The following ARHGAP21 variants were observed in gnomAD, a reference collection of about 807,000 sequenced individuals.
ARHGAP21 encodes the protein rho GTPase-activating protein 21.
A neutral mutation model predicts 164.6 loss-of-function variants in ARHGAP21; 38 were observed. The ratio of observed to expected loss-of-function variants is 0.23; its 90% CI spans 0.18 to 0.30. ARHGAP21 has a LOEUF of 0.30. Ranked by LOEUF, ARHGAP21 falls within the 10% of genes least tolerant of loss-of-function variation. The pLI is 1.00. For synonymous variants in ARHGAP21, 766 were observed against 857.9 expected (o/e 0.89, Z 1.87); for missense variants, 1,822 against 2,370.7 (o/e 0.77, Z 4.81).
At chr10:24,618,771 CGGGA>C (rs1198386128) in intron 9 of ARHGAP21, among the ~76,000 whole-genome samples, 1 of 151,978 alleles carries the variant, frequency 6.6e-6, no homozygotes, top group Non-Finnish European at 1.5e-5. Context: ...TTTCAGATCA[CGGGA>C]GGATTTTGCA....
chr10:24,695,830 A>G (rs1843127493), intron 2 of ARHGAP21, among the ~76,000 whole-genome samples: 1 of 152,076 alleles, frequency 6.6e-6, no homozygotes, highest in Non-Finnish European at 1.5e-5. Context: ...AAATCCCACC[A>G]GCAACCCATG....
chr10:24,708,122 C>G (rs1006281367), intron 2 of ARHGAP21, among the ~76,000 whole-genome samples: 1 of 152,134 alleles, frequency 6.6e-6, no homozygotes, highest in Non-Finnish European at 1.5e-5. Flanking sequence ...TTGCCAAAGG[C>G]TAAATATAAA....
chr10:24,664,734 T>G (rs1378575318), intron 4 of ARHGAP21, among the ~76,000 whole-genome samples: 2 of 148,850 alleles, frequency 1.3e-5, no homozygotes, highest in Non-Finnish European at 3.0e-5. Context: ...TTGAGTGAAA[T>G]TAAGCATAAA....
At chr10:24,588,734 C>T (rs2076209643) in intron 25 of ARHGAP21, among the ~76,000 whole-genome samples, 1 of 152,112 alleles carries the variant, frequency 6.6e-6, no homozygotes, top group Admixed American at 6.5e-5. Context: ...TGAGGGAACA[C>T]AGATTGTGTA....
intron 9 of ARHGAP21, among the ~76,000 whole-genome samples, chr10:24,615,098 G>T (rs2077421798): frequency 6.6e-6 from 1 of 152,120 alleles, no homozygotes; most frequent in Admixed American, 6.5e-5. Flanking sequence ...GCTGAGGCAG[G>T]AGAATCACTT....
rs767153299 is a variant in ARHGAP21 at position 24,600,735 on chromosome 10, C to T, written c.3043G>A (p.Asp1015Asn). The change falls in exon 14 of 26, where the codon GAC (aspartate) becomes AAC (asparagine). Residue 1015 changes from aspartate to asparagine, a missense_variant. Physicochemically the swap from Asp to Asn is conservative, Grantham distance 23 (BLOSUM62 1). Coordinates refer to ENST00000396432, the MANE Select transcript of ARHGAP21 (RefSeq NM_020824.4). The part of the protein sequence containing the change: ...RKNVFRLTTS[D>N]CECLFQAEDR... ...TCAGCCTGAAACAGGCATTCACAGTCGGACGTGGTGAGTCGAAACACATTT... is the reference window on the plus strand; with the variant it reads ...TCAGCCTGAAACAGGCATTCACAGTTGGACGTGGTGAGTCGAAACACATTT... The T allele has an allele frequency of 1.4e-5, 23 of 1,613,834 alleles. No individual in the cohort carries two copies. Among genetic ancestry groups the T allele is most frequent in the Middle Eastern group, 1.6e-4 (1 of 6,080 alleles).
chr10:24,718,963 T>A (rs1194212709), intron 2 of ARHGAP21, among the ~76,000 whole-genome samples: 2 of 152,010 alleles, frequency 1.3e-5, no homozygotes, highest in African/African-American at 2.4e-5. Flanking sequence ...AAAAAAAAAG[T>A]TAAACCTTGA....
intron 2 of ARHGAP21, among the ~76,000 whole-genome samples, chr10:24,708,092 A>C (rs1844409950): frequency 6.6e-6 from 1 of 152,246 alleles, no homozygotes. Flanking sequence ...GCTAGGTTAA[A>C]CAATGCTGCT....
intron 2 of ARHGAP21, among the ~76,000 whole-genome samples, chr10:24,719,463 TTAG>T (rs1845715471): frequency 6.6e-6 from 1 of 152,216 alleles, no homozygotes; most frequent in Non-Finnish European, 1.5e-5. Context: ...AGTTGGCTAA[TTAG>T]ATAAAGCATG....
chr10:24,673,860 C>T (rs987366449), intron 2 of ARHGAP21, among the ~76,000 whole-genome samples: 3 of 151,884 alleles, frequency 2.0e-5, no homozygotes, highest in African/African-American at 7.3e-5. Context: ...GACTCTGTCT[C>T]AAAAAAGTCA....
intron 2 of ARHGAP21, among the ~76,000 whole-genome samples, chr10:24,678,948 C>T (rs1327259293): frequency 5.9e-5 from 9 of 152,146 alleles, no homozygotes; most frequent in African/African-American, 1.9e-4. Context: ...TAGTTCATTC[C>T]TTTTCATTGC....
Position 24,585,327 on chromosome 10 carries a change from G to A in ARHGAP21, c.4962C>T (p.Phe1654=). The change falls in exon 26 of 26, where the codon TTC becomes TTT. Residue 1654 remains phenylalanine, a synonymous_variant. Coordinates refer to ENST00000396432, the MANE Select transcript of ARHGAP21 (RefSeq NM_020824.4). ...FPTALTSERL[F]RGKLQEVTKS... ...TAGTCACTTCTTGCAGTTTTCCTCG[G>A]AAAAGCCTCTCTGAAGTCAAGGCTG... is the stretch of plus-strand genomic sequence containing the variant. 6.2e-7 allele frequency: 1 copy of A among 1,612,754 alleles called. No individual in the cohort carries two copies. The highest frequency in any genetic ancestry group is 8.5e-7 in the Non-Finnish European group (1 of 1,180,006).
chr10:24,645,871 A>C (rs1837522883), intron 4 of ARHGAP21, among the ~76,000 whole-genome samples: 1 of 152,184 alleles, frequency 6.6e-6, no homozygotes, highest in South Asian at 2.1e-4. Context: ...GGAGAACAAT[A>C]AGCAGAGTGA....
At chr10:24,723,022 A>T (rs907924636) in intron 1 of ARHGAP21, 1 of 150,794 alleles carries the variant, frequency 6.6e-6, no homozygotes, top group Non-Finnish European at 1.5e-5. Context: ...GCAAACCACC[A>T]CCCACCTCCC....
At chr10:24,628,952 CTATATA>C (rs71397962) in intron 7 of ARHGAP21, 68 of 13,760 alleles carry the variant, frequency 4.9e-3, no homozygotes, top group East Asian at 0.036. Flanking sequence ...CACACACACA[CTATATA>C]TATATATATA....
In ARHGAP21 at chr10:24,701,610, T is replaced by A. The variant is rs538711386; in HGVS notation, c.63+20227A>T. ...AACGGTGAGTGCAAAGGCCCTGAGA[T>A]GAACAGCAAAGGAGGCCAGTGTGGT... On this transcript the variant is annotated intron_variant, in intron 2 of 25. Coordinates refer to ENST00000396432, the MANE Select transcript of ARHGAP21 (RefSeq NM_020824.4). Among the ~76,000 whole-genome samples, 135 of 152,174 alleles carry A rather than the reference T, an allele frequency of 8.9e-4. 4 individuals carry two copies. The South Asian group carries it at 0.028, about 31-fold the overall frequency.
intron 4 of ARHGAP21, among the ~76,000 whole-genome samples, chr10:24,665,860 A>T (rs1304472330): frequency 6.6e-6 from 1 of 152,232 alleles, no homozygotes; most frequent in Non-Finnish European, 1.5e-5. Context: ...ATACAAGGAA[A>T]GACTAAAGGG....
chr10:24,631,102 C>T (rs1351359399), intron 6 of ARHGAP21, among the ~76,000 whole-genome samples: 1 of 152,062 alleles, frequency 6.6e-6, no homozygotes, highest in African/African-American at 2.4e-5. Context: ...GCAAAGGTGC[C>T]GGGCGAAGTG....
chr10:24,607,558 C>G lies in ARHGAP21; in HGVS notation c.2625G>C (p.Lys875Asn). The G allele has an allele frequency of 6.2e-7, 1 of 1,614,024 alleles. No homozygotes were observed. The highest frequency in any genetic ancestry group is 8.5e-7 in the Non-Finnish European group (1 of 1,180,000). ...CATCATATGATTTTGATCTTTCTGT[C>G]TTTGAGTTGGGCTGAGCATCCAGGC... ...PPSLDAQPNS[K>N]TERSKSYDEG... Residue 875 changes from lysine to asparagine, a missense_variant, in exon 11 of 26, where the codon AAG becomes AAC. Physicochemically the swap from Lys to Asn is moderately conservative, Grantham distance 94. Transcript: ENST00000396432.
Sources: allele counts gnomAD v4.1 joint callset (sites outside exome capture counted in the v4.1 genomes callset), GRCh38; gene constraint gnomAD v4.1.1; transcripts MANE v1.5; gene names NCBI Gene and HGNC (gene_info 2026-07-23, HGNC 2026-07-21).